Variants in RFX3 observed in about 807,000 individuals in gnomAD.
RFX3 encodes regulatory factor X3.
RFX3 carries 14 observed loss-of-function variants against 98.6 expected under a neutral mutation model. The ratio of observed to expected loss-of-function variants is 0.14; its 90% CI spans 0.09 to 0.22. The LOEUF is 0.22. RFX3 is among the 10% of genes least tolerant of loss of function. The pLI, the probability that RFX3 is intolerant of heterozygous loss-of-function variation, is 1.00. For missense variants in RFX3, 639 were observed against 926.9 expected (o/e 0.69, Z 4.03); for synonymous variants, 383 against 328.4 (o/e 1.17, Z -1.80).
chr9:3,516,488 G>A (rs893681307), intron 1 of RFX3, among the ~76,000 whole-genome samples: 3 of 152,142 alleles, frequency 2.0e-5, no homozygotes, highest in African/African-American at 7.2e-5. Flanking sequence ...AACTATTACC[G>A]ATGGAAAAAT....
At chr9:3,312,877 TTGG>T (rs1365659372) in intron 4 of RFX3, among the ~76,000 whole-genome samples, 1 of 152,198 alleles carries the variant, frequency 6.6e-6, no homozygotes, top group Non-Finnish European at 1.5e-5. Flanking sequence ...AAGCTCCAAC[TTGG>T]TGGAGCCCAC....
intron 1 of RFX3, among the ~76,000 whole-genome samples, chr9:3,524,827 G>GCGCACACACA (rs1307645924): frequency 7.8e-6 from 1 of 128,132 alleles, no homozygotes; most frequent in Non-Finnish European, 1.6e-5. Context: ...TAAATCACAA[G>GCGCACACACA]CACACACACA....
chr9:3,462,781 T>C (rs1847814181), intron 1 of RFX3, among the ~76,000 whole-genome samples: 2 of 152,082 alleles, frequency 1.3e-5, no homozygotes, highest in South Asian at 4.1e-4. Context: ...ATTGCTAATA[T>C]TGCATTGCTA....
At chr9:3,316,594 T>C (rs972592640) in intron 4 of RFX3, among the ~76,000 whole-genome samples, 1 of 152,248 alleles carries the variant, frequency 6.6e-6, no homozygotes, top group Non-Finnish European at 1.5e-5. Flanking sequence ...TTGTCCCTGT[T>C]TGCAGATGAC....
intron 5 of RFX3, among the ~76,000 whole-genome samples, chr9:3,298,389 T>A (rs539934951): frequency 6.6e-6 from 1 of 151,850 alleles, no homozygotes; most frequent in African/African-American, 2.4e-5. Context: ...AACAATACAA[T>A]AAATGTACAC....
chr9:3,295,042 T>A (rs1827827358), intron 5 of RFX3, among the ~76,000 whole-genome samples: 1 of 152,106 alleles, frequency 6.6e-6, no homozygotes, highest in Admixed American at 6.6e-5. Context: ...AAACAAGTTT[T>A]CCAGGGGCGC....
At chr9:3,505,285 T>TA (rs1564187090) in intron 1 of RFX3, among the ~76,000 whole-genome samples, 4 of 59,766 alleles carry the variant, frequency 6.7e-5, no homozygotes, top group African/African-American at 4.5e-4. Context: ...AATATATACA[T>TA]TTTTATATTT....
intron 1 of RFX3, among the ~76,000 whole-genome samples, chr9:3,523,747 G>A (rs979578534): frequency 6.6e-6 from 1 of 151,992 alleles, no homozygotes; most frequent in African/African-American, 2.4e-5. Context: ...AAGTGTTCAG[G>A]CATTTGACAC....
intron 4 of RFX3, among the ~76,000 whole-genome samples, chr9:3,303,648 A>G (rs546928295): frequency 3.4e-4 from 40 of 116,782 alleles, no homozygotes; most frequent in East Asian, 1.2e-3. Flanking sequence ...TTTTTCTGGG[A>G]AAAAAAAAAA....
chr9:3,414,812 A>ATATATG (rs1842797542), intron 1 of RFX3, among the ~76,000 whole-genome samples: 1 of 138,514 alleles, frequency 7.2e-6, no homozygotes, highest in African/African-American at 2.7e-5. Context: ...GTATATATGT[A>ATATATG]TATATGAGTA....
chr9:3,293,044 G>A, intron 6 of RFX3, 33 bp downstream of exon 6: 1 of 1,519,292 alleles, frequency 6.6e-7, no homozygotes, highest in Non-Finnish European at 9.0e-7. Context: ...GAAAAAGAGA[G>A]ATTAGTTTAT....
chr9:3,336,404 C>CA lies in RFX3; in HGVS notation c.216-5888dup, dbSNP rs532388538. On this transcript the variant is annotated intron_variant, in intron 3 of 16. Transcript: ENST00000617270. Reference sequence around the variant, plus strand: ...GAAGTTTTCCTCATTCCTATGAAAGCAAAAAAAAAATACAATATAAAAGTA... The same window carrying CA: ...GAAGTTTTCCTCATTCCTATGAAAGCAAAAAAAAAAATACAATATAAAAGTA... Among the ~76,000 whole-genome samples the CA allele has an allele frequency of 2.9e-3, 408 of 141,052 alleles. 4 individuals carry two copies. Among genetic ancestry groups the CA allele is most frequent in the East Asian group, 0.022 (108 of 4,920 alleles). The allele number at this position is 141,052 out of a possible 152,430, so 92.5% of individuals were successfully genotyped here. A position where few individuals can be genotyped will look rare whatever the true frequency, so the allele number is the denominator to read the frequency against.
intron 1 of RFX3, among the ~76,000 whole-genome samples, chr9:3,426,546 G>A (rs909025167): frequency 5.9e-5 from 9 of 152,098 alleles, no homozygotes; most frequent in Non-Finnish European, 1.0e-4. Flanking sequence ...AGCAGCAGGT[G>A]AGCCAGTGAA....
intron 6 of RFX3, among the ~76,000 whole-genome samples, chr9:3,289,049 G>C (rs1826997945): frequency 6.6e-6 from 1 of 152,028 alleles, no homozygotes; most frequent in Admixed American, 6.6e-5. Context: ...GCTCTGAATG[G>C]AATTTGCAAA....
At chr9:3,346,868 G>A in intron 2 of RFX3, 104 bp from the exon 3 acceptor site, 1 of 719,590 alleles carries the variant, frequency 1.4e-6, no homozygotes, top group Admixed American at 2.2e-5. Context: ...TGATAAATTT[G>A]AGAAAGACTG....
At position 3,372,918 on chromosome 9, in the gene RFX3, C is replaced by T. The variant is rs1473382833; in HGVS notation, c.117+22554G>A. Reference sequence around the variant, plus strand: ...GTATCTTATGTACTTAACAGTTCTTCCATTTTCTACTTAAATCTCTTGGAA... The same window carrying T: ...GTATCTTATGTACTTAACAGTTCTTTCATTTTCTACTTAAATCTCTTGGAA... On this transcript the variant is annotated intron_variant, in intron 2 of 16. Transcript: ENST00000617270. Among the ~76,000 whole-genome samples, 4 of 151,996 alleles carry T rather than the reference C, an allele frequency of 2.6e-5. No individual in the cohort carries two copies. In the East Asian group the frequency reaches 7.7e-4, roughly 29 times the overall value.
intron 3 of RFX3, among the ~76,000 whole-genome samples, chr9:3,333,754 C>T (rs1832856170): frequency 6.6e-6 from 1 of 152,158 alleles, no homozygotes; most frequent in African/African-American, 2.4e-5. Context: ...AGATGCGGGA[C>T]ATGGTGCCCC....
intron 2 of RFX3, among the ~76,000 whole-genome samples, chr9:3,390,622 G>A (rs1564030927): frequency 6.6e-6 from 1 of 152,056 alleles, no homozygotes. Context: ...ACTGACTCAT[G>A]AGGGCAGGTC....
intron 3 of RFX3, among the ~76,000 whole-genome samples, chr9:3,345,582 T>A (rs1363890100): frequency 6.6e-6 from 1 of 152,164 alleles, no homozygotes; most frequent in African/African-American, 2.4e-5. Flanking sequence ...TTTCCTTGTA[T>A]CCTTGCAAAA....
Sources: allele counts gnomAD v4.1 joint callset (sites outside exome capture counted in the v4.1 genomes callset), GRCh38; gene constraint gnomAD v4.1.1; transcripts MANE v1.5; gene names NCBI Gene and HGNC (gene_info 2026-07-23, HGNC 2026-07-21).